RNF180: variants seen among roughly 807,000 people sequenced by gnomAD.
RNF180 encodes ring finger protein 180.
A neutral mutation model predicts 59.2 loss-of-function variants in RNF180; 38 were observed. That is an observed-to-expected ratio of 0.64 (90% CI 0.50 to 0.84). The LOEUF (loss-of-function observed/expected upper bound fraction) is 0.84. RNF180 is among the 40% of genes least tolerant of loss of function. The probability of loss-of-function intolerance (pLI) is 0.00; values close to 1 mark genes in which losing one functional copy is unlikely to be tolerated. For missense variants in RNF180, 705 were observed against 700.9 expected (o/e 1.01, Z -0.07); for synonymous variants, 262 against 240.3 (o/e 1.09, Z -0.84).
intron 7 of RNF180, among the ~76,000 whole-genome samples, chr5:64,357,468 G>C (rs1331569949): frequency 2.0e-5 from 3 of 151,708 alleles, no homozygotes. Flanking sequence ...CTCTGAATTA[G>C]CCTCTAAAGA....
At chr5:64,297,554 A>T (rs983872140) in intron 5 of RNF180, among the ~76,000 whole-genome samples, 3 of 152,042 alleles carry the variant, frequency 2.0e-5, no homozygotes, top group Non-Finnish European at 4.4e-5. Flanking sequence ...TTGCATACAT[A>T]GACTCAGACT....
intron 5 of RNF180, among the ~76,000 whole-genome samples, chr5:64,306,940 G>GTTGT (rs1452506496): frequency 1.3e-5 from 2 of 150,402 alleles, no homozygotes; most frequent in African/African-American, 4.9e-5. Flanking sequence ...AAACCTGCAT[G>GTTGT]TTGTGCACAT....
intron 1 of RNF180, among the ~76,000 whole-genome samples, chr5:64,196,316 TA>T (rs1291016265): frequency 6.6e-6 from 1 of 152,178 alleles, no homozygotes; most frequent in Non-Finnish European, 1.5e-5. Flanking sequence ...TCCCTGATTT[TA>T]ATGGAATGAT....
At chr5:64,302,008 T>C (rs1743185330) in intron 5 of RNF180, among the ~76,000 whole-genome samples, 2 of 151,708 alleles carry the variant, frequency 1.3e-5, no homozygotes, top group South Asian at 4.1e-4. Context: ...TATTTCTCTT[T>C]TTTACACATG....
At chr5:64,310,765 A>G (rs551982634) in intron 5 of RNF180, among the ~76,000 whole-genome samples, 15 of 151,842 alleles carry the variant, frequency 9.9e-5, no homozygotes, top group Non-Finnish European at 1.9e-4. Flanking sequence ...ATCTGCCTCA[A>G]TCTGGAAGGG....
intron 6 of RNF180, 150 bp from the exon 7 acceptor site, chr5:64,330,131 A>G: frequency 1.6e-6 from 1 of 633,186 alleles, no homozygotes. Context: ...GAGTAAAGAA[A>G]AAAATGTTGA....
chr5:64,366,098 G>T (rs969121974), intron 7 of RNF180, among the ~76,000 whole-genome samples: 1 of 151,450 alleles, frequency 6.6e-6, no homozygotes, highest in Non-Finnish European at 1.5e-5. Context: ...TTTGCAGTGG[G>T]TGATAACAGT....
At chr5:64,305,408 C>T (rs573004135) in intron 5 of RNF180, among the ~76,000 whole-genome samples, 2 of 151,460 alleles carry the variant, frequency 1.3e-5, no homozygotes, top group East Asian at 3.9e-4. Flanking sequence ...AGATCATTTC[C>T]TTCTGAGCTT....
At chr5:64,178,753 T>C (rs1174748500) in intron 1 of RNF180, among the ~76,000 whole-genome samples, 1 of 152,228 alleles carries the variant, frequency 6.6e-6, no homozygotes, top group Non-Finnish European at 1.5e-5. Flanking sequence ...TACATGGAAC[T>C]GTCCACATAG....
At chr5:64,315,603 G>A (rs1036061846) in intron 5 of RNF180, among the ~76,000 whole-genome samples, 1 of 151,326 alleles carries the variant, frequency 6.6e-6, no homozygotes, top group African/African-American at 2.4e-5. Context: ...AATTAGCCAG[G>A]CATAGTGGTG....
intron 7 of RNF180, among the ~76,000 whole-genome samples, chr5:64,362,133 A>G (rs1746280573): frequency 6.6e-6 from 1 of 151,616 alleles, no homozygotes; most frequent in Admixed American, 6.6e-5. Flanking sequence ...CAAGTTTGTT[A>G]TATAGGTACA....
chr5:64,297,861 T>C (rs1005773527), intron 5 of RNF180, among the ~76,000 whole-genome samples: 3 of 152,080 alleles, frequency 2.0e-5, no homozygotes, highest in African/African-American at 4.8e-5. Flanking sequence ...AAATTGTATT[T>C]AGTCCATTTC....
At chr5:64,222,575 G>T (rs149910145) in intron 5 of RNF180, among the ~76,000 whole-genome samples, 31 of 152,294 alleles carry the variant, frequency 2.0e-4, no homozygotes, top group Admixed American at 4.6e-4. Context: ...CACCAGGAAG[G>T]TCATTATAGA....
At chr5:64,343,879 G>A (rs1745454443) in intron 7 of RNF180, among the ~76,000 whole-genome samples, 1 of 151,402 alleles carries the variant, frequency 6.6e-6, no homozygotes, top group African/African-American at 2.4e-5. Context: ...GATCCTAGCT[G>A]GAAGCACAGA....
intron 7 of RNF180, among the ~76,000 whole-genome samples, chr5:64,343,695 C>T (rs568635871): frequency 6.6e-6 from 1 of 151,946 alleles, no homozygotes; most frequent in African/African-American, 2.4e-5. Flanking sequence ...GGTGGAATAA[C>T]ATCTTTAATG....
chr5:64,219,603 C>G (rs965156985), intron 5 of RNF180, among the ~76,000 whole-genome samples: 5 of 152,102 alleles, frequency 3.3e-5, no homozygotes, highest in African/African-American at 1.2e-4. Flanking sequence ...CAACCCCTGC[C>G]TCCCAGGTTC....
At chr5:64,259,387 G>A (rs911149671) in intron 5 of RNF180, among the ~76,000 whole-genome samples, 1 of 152,042 alleles carries the variant, frequency 6.6e-6, no homozygotes, top group African/African-American at 2.4e-5. Flanking sequence ...TAGAGAAGCA[G>A]AATACTCTGC....
At chr5:64,251,387 C>T (rs770607453) in intron 5 of RNF180, among the ~76,000 whole-genome samples, 2 of 152,040 alleles carry the variant, frequency 1.3e-5, no homozygotes, top group Non-Finnish European at 2.9e-5. Context: ...TCAAATTGTC[C>T]CTGTTTGCAG....
intron 5 of RNF180, among the ~76,000 whole-genome samples, chr5:64,316,219 A>G (rs1424634709): frequency 1.3e-5 from 2 of 152,164 alleles, no homozygotes; most frequent in Non-Finnish European, 2.9e-5. Flanking sequence ...TTTTAGTATT[A>G]TTATGAGAAT....
Sources: gnomAD v4.1 joint callset for allele counts (sites outside exome capture counted in the v4.1 genomes callset) on GRCh38, gnomAD v4.1.1 for gene constraint, MANE v1.5 for transcripts, NCBI Gene and HGNC (gene_info 2026-07-23, HGNC 2026-07-21) for gene names.